The following CPS1 variants were observed in gnomAD, a reference collection of about 807,000 sequenced individuals.
The protein encoded by CPS1 is carbamoyl-phosphate synthase 1.
Under a neutral mutation model 174.6 loss-of-function variants are expected in CPS1, and 109 were observed. That is an observed-to-expected ratio of 0.62 (90% CI 0.53 to 0.73). CPS1 has a LOEUF of 0.73. CPS1 is among the 30% of genes least tolerant of loss of function. The pLI is 0.00. For missense variants in CPS1, 1,689 were observed against 1,821.9 expected (o/e 0.93, Z 1.33); for synonymous variants, 637 against 632.0 (o/e 1.01, Z -0.12).
At chr2:210,670,489 C>T (rs981025946) in intron 34 of CPS1, among the ~76,000 whole-genome samples, 13 of 97,874 alleles carry the variant, frequency 1.3e-4, no homozygotes, top group Non-Finnish European at 3.4e-4. Context: ...ATAGCAATTG[C>T]AGATAAAGTA....
intron 1 of CPS1, among the ~76,000 whole-genome samples, chr2:210,494,769 A>G (rs1694951514): frequency 6.6e-6 from 1 of 152,216 alleles, no homozygotes; most frequent in Non-Finnish European, 1.5e-5. Flanking sequence ...TCACTGAAGT[A>G]TGCACTGCAT....
chr2:210,648,672 A>C (rs1574639607), intron 27 of CPS1, 132 bp downstream of exon 27: 3 of 814,344 alleles, frequency 3.7e-6, no homozygotes. Context: ...CCAAACCATC[A>C]CAGCCAGTTT....
chr2:210,597,561 TC>T (rs1698528057), intron 13 of CPS1, among the ~76,000 whole-genome samples: 1 of 151,858 alleles, frequency 6.6e-6, no homozygotes. Flanking sequence ...TTTATTCAGA[TC>T]CTCCCCAAAG....
chr2:210,591,033 G>A (rs1411198489), intron 9 of CPS1, 127 bp downstream of exon 9: 2 of 289,106 alleles, frequency 6.9e-6, no homozygotes, highest in Non-Finnish European at 1.3e-5. Flanking sequence ...AAAACTTAAA[G>A]TATAATAAAA....
chr2:210,587,293 C>A (rs558281388), intron 6 of CPS1, among the ~76,000 whole-genome samples: 1 of 152,016 alleles, frequency 6.6e-6, no homozygotes, highest in African/African-American at 2.4e-5. Context: ...AAATTCATAG[C>A]GTGCTAGCTA....
chr2:210,637,220 G>A lies in CPS1; in HGVS notation c.2688-482G>A, dbSNP rs1700066576. 1.4e-4 allele frequency among the ~76,000 whole-genome samples: 21 copies of A among 152,220 alleles called. No individual in the cohort carries two copies. In the South Asian group the frequency reaches 4.4e-3, roughly 32 times the overall value. ...GTAGAGCCGTGGGTAGGGGTAGGGG[G>A]AAACCCAAAACTAGTAAATGGTAGT... On this transcript the variant is annotated intron_variant, in intron 21 of 37. Coordinates refer to ENST00000233072, the MANE Select transcript of CPS1 (RefSeq NM_001875.5).
intron 6 of CPS1, among the ~76,000 whole-genome samples, chr2:210,585,442 T>G (rs1453181607): frequency 6.6e-6 from 1 of 152,044 alleles, no homozygotes; most frequent in African/African-American, 2.4e-5. Flanking sequence ...TCTGCTAGGT[T>G]TCTTCTCAAT....
chr2:210,624,863 A>G (rs1243438021), intron 21 of CPS1, among the ~76,000 whole-genome samples: 2 of 152,050 alleles, frequency 1.3e-5, no homozygotes, highest in Non-Finnish European at 2.9e-5. Flanking sequence ...GTTTCTGTAT[A>G]TTAATTATTG....
At chr2:210,578,215 T>G (rs1318691366) in intron 4 of CPS1, among the ~76,000 whole-genome samples, 1 of 152,060 alleles carries the variant, frequency 6.6e-6, no homozygotes, top group Non-Finnish European at 1.5e-5. Flanking sequence ...TTCAAGCTAT[T>G]CACCTGCTTC....
At chr2:210,657,167 C>A (rs1700737438) in intron 30 of CPS1, among the ~76,000 whole-genome samples, 1 of 152,170 alleles carries the variant, frequency 6.6e-6, no homozygotes, top group African/African-American at 2.4e-5. Flanking sequence ...TTTCCCTTCT[C>A]ACCCTTGACT....
chr2:210,548,296 A>T (rs1696617209), intron 1 of CPS1, among the ~76,000 whole-genome samples: 2 of 152,046 alleles, frequency 1.3e-5, no homozygotes, highest in African/African-American at 4.8e-5. Flanking sequence ...TAATTTTTAT[A>T]CACAAATTTT....
intron 1 of CPS1, among the ~76,000 whole-genome samples, chr2:210,508,301 G>A (rs924311890): frequency 1.3e-5 from 2 of 151,864 alleles, no homozygotes; most frequent in African/African-American, 4.8e-5. Flanking sequence ...TGAAATGAAG[G>A]CAGAAATAAA....
At chr2:210,570,652 T>C (rs1409564326) in intron 1 of CPS1, among the ~76,000 whole-genome samples, 1 of 151,968 alleles carries the variant, frequency 6.6e-6, no homozygotes, top group Non-Finnish European at 1.5e-5. Flanking sequence ...ATACAGTTGG[T>C]TTAGGTTCTA....
intron 4 of CPS1, among the ~76,000 whole-genome samples, chr2:210,579,448 C>G (rs1697835213): frequency 6.6e-6 from 1 of 152,120 alleles, no homozygotes; most frequent in Non-Finnish European, 1.5e-5. Context: ...GGGTTAAAAG[C>G]AATAGAAGTG....
Position 210,592,914 on chromosome 2 carries a change from G to T in CPS1, c.1122G>T (p.Val374=), listed in dbSNP as rs781427941. 6 of 1,612,310 alleles carry T rather than the reference G, an allele frequency of 3.7e-6. No individual in the cohort carries two copies. The South Asian group carries it at 6.6e-5, about 18-fold the overall frequency. ...IMHESKPFFA[V]QFHPEVTPGP... is the part of the protein sequence containing the mutation. ...ATGAGAGCAAACCCTTCTTCGCTGT[G>T]CAGTTCCACCCAGAGGTCACCCCGG... The change falls in exon 11 of 38, where the codon GTG becomes GTT. Residue 374 remains valine, a synonymous_variant. Transcript: ENST00000233072.
rs145588572 is a variant in CPS1, at chr2:210,662,873, C to A, written c.3928-250C>A. Among the ~76,000 whole-genome samples, 27 of 152,272 alleles carry A rather than the reference C, an allele frequency of 1.8e-4. 1 individual carries two copies. In the East Asian group the frequency reaches 3.9e-3, roughly 22 times the overall value. ...AACACTGGTCCAGACTGGTCTCAGG[C>A]GCCCTATTTACAGAATTAATTTGTG... On this transcript the variant is annotated intron_variant, in intron 32 of 37. Transcript: ENST00000233072.
intron 17 of CPS1, 103 bp downstream of exon 17, chr2:210,605,349 G>T: frequency 8.1e-7 from 1 of 1,241,120 alleles, no homozygotes. Flanking sequence ...ACTATTTCTA[G>T]TTGACAGACT....
chr2:210,650,535 C>T (rs1166770056), intron 28 of CPS1, 97 bp downstream of exon 28: 3 of 910,930 alleles, frequency 3.3e-6, no homozygotes, highest in Non-Finnish European at 5.5e-6. Context: ...TCTCTTAATG[C>T]AACCTTACTT....
chr2:210,610,111 A>ACCAT (rs1699059544), intron 19 of CPS1, among the ~76,000 whole-genome samples: 1 of 152,020 alleles, frequency 6.6e-6, no homozygotes, highest in Non-Finnish European at 1.5e-5. Context: ...CAAAAGAAAT[A>ACCAT]GAACGCAAAT....
Sources: allele counts gnomAD v4.1 joint callset (sites outside exome capture counted in the v4.1 genomes callset), GRCh38; gene constraint gnomAD v4.1.1; transcripts MANE v1.5; gene names NCBI Gene and HGNC (gene_info 2026-07-23, HGNC 2026-07-21).